Variants in PEBP4 observed in about 807,000 individuals in gnomAD.
PEBP4 encodes phosphatidylethanolamine-binding protein 4.
In PEBP4, 22 loss-of-function variants were observed where a neutral mutation model predicts 23.9. The observed-to-expected ratio is 0.92, with a 90% CI of 0.66 to 1.31. PEBP4 has a LOEUF of 1.31. Among genes scored for constraint, PEBP4 ranks in the 40% most tolerant of loss-of-function variants. PEBP4 has a pLI of 0.00. For missense variants in PEBP4, 324 were observed against 281.7 expected, an observed-to-expected ratio of 1.15 and a Z score of -1.07; for synonymous variants, 112 against 99.3, an observed-to-expected ratio of 1.13 and a Z score of -0.76.
At chr8:22,832,241 A>T (rs1230147740) in intron 3 of PEBP4, among the ~76,000 whole-genome samples, 1 of 152,090 alleles carries the variant, frequency 6.6e-6, no homozygotes, top group Non-Finnish European at 1.5e-5. Context: ...TCCCAAGTTG[A>T]TGGTGTTCGG....
chr8:22,791,353 T>C (rs1347786921), intron 4 of PEBP4, among the ~76,000 whole-genome samples: 1 of 152,032 alleles, frequency 6.6e-6, no homozygotes, highest in Admixed American at 6.5e-5. Context: ...ATAAAGCAAA[T>C]TCATATCTGC....
chr8:22,751,668 T>C (rs1364362156), intron 4 of PEBP4, among the ~76,000 whole-genome samples: 1 of 151,902 alleles, frequency 6.6e-6, no homozygotes, highest in Non-Finnish European at 1.5e-5. Context: ...TGTGCGTCTA[T>C]ATATTTGTAT....
At position 22,775,752 on chromosome 8, in the gene PEBP4, C is replaced by T. The variant is rs928982816; in HGVS notation, c.357+41885G>A. On this transcript the variant is annotated intron_variant, in intron 4 of 6. Transcript: ENST00000256404. The surrounding 1 kb of genome is among the most constrained non-coding windows in gnomAD (Gnocchi z 4.8). Reference sequence around the variant, plus strand: ...CCCTCCTGTGCACTCACAGGAGGCTCGAGGAGACAGACAGAGGAAGCGAGA... The same window carrying T: ...CCCTCCTGTGCACTCACAGGAGGCTTGAGGAGACAGACAGAGGAAGCGAGA... Among the ~76,000 whole-genome samples, 6 of 151,994 alleles carry T rather than the reference C, an allele frequency of 3.9e-5. No homozygotes were observed. The highest frequency in any genetic ancestry group is 2.6e-4 in the Admixed American group (4 of 15,276).
Position 22,727,191 on chromosome 8 carries a change from C to G in PEBP4, c.387G>C (p.Gln129His). 5 of 1,613,960 alleles carry G rather than the reference C, an allele frequency of 3.1e-6. No homozygotes were observed. Among genetic ancestry groups the G allele is most frequent in the Non-Finnish European group, 4.2e-6 (5 of 1,179,980 alleles). Residue 129 changes from glutamine to histidine, a missense_variant, in exon 5 of 7, where the codon CAG (glutamine) becomes CAC (histidine). Coordinates refer to ENST00000256404, the MANE Select transcript of PEBP4 (RefSeq NM_144962.3). The part of the protein sequence containing the change: ...KGADLKKGKI[Q>H]GQELSAYQAP... Reference sequence around the variant, plus strand: ...CTTACTCACCTGATAACTCCTGGCCCTGAATCTTCCCTTTCTTCAGGTCGG... The same window carrying G: ...CTTACTCACCTGATAACTCCTGGCCGTGAATCTTCCCTTTCTTCAGGTCGG...
chr8:22,750,106 T>C (rs527911550), intron 4 of PEBP4, among the ~76,000 whole-genome samples: 16 of 128,292 alleles, frequency 1.2e-4, no homozygotes, highest in Admixed American at 5.5e-4. Context: ...GCACCCAGCC[T>C]TTCTTTCTTT....
intron 3 of PEBP4, among the ~76,000 whole-genome samples, chr8:22,850,531 G>T (rs566305415): frequency 2.0e-5 from 3 of 152,212 alleles, no homozygotes; most frequent in Admixed American, 6.5e-5. Flanking sequence ...GGTTGTTCTT[G>T]GTCTGAAAAC....
chr8:22,800,628 G>C (rs1806362644), intron 4 of PEBP4, among the ~76,000 whole-genome samples: 1 of 152,124 alleles, frequency 6.6e-6, no homozygotes, highest in South Asian at 2.1e-4. Flanking sequence ...CGCACATCAG[G>C]CTGCAGGAAC....
At chr8:22,935,854 G>A (rs1020734166) in intron 1 of PEBP4, among the ~76,000 whole-genome samples, 13 of 151,962 alleles carry the variant, frequency 8.6e-5, no homozygotes, top group African/African-American at 2.9e-4. Context: ...AAGTGTTTTC[G>A]ATAAGGGAAA....
At chr8:22,779,954 CT>C (rs11373695) in intron 4 of PEBP4, among the ~76,000 whole-genome samples, 419 of 143,010 alleles carry the variant, frequency 2.9e-3, no homozygotes, top group Middle Eastern at 3.6e-3. Flanking sequence ...TTTTTAAAAT[CT>C]TTTTTTTTTT....
chr8:22,926,539 GTCTC>G (rs1362984124), intron 2 of PEBP4, among the ~76,000 whole-genome samples: 1 of 152,160 alleles, frequency 6.6e-6, no homozygotes, highest in South Asian at 2.1e-4. Flanking sequence ...AGAGAAAAGA[GTCTC>G]TCTATGTTGC....
intron 3 of PEBP4, among the ~76,000 whole-genome samples, chr8:22,831,284 C>A (rs1807079255): frequency 2.6e-5 from 4 of 152,110 alleles, no homozygotes; most frequent in Admixed American, 2.6e-4. Context: ...AGTTTATAAT[C>A]AGTAAGACAT....
chr8:22,727,105 T>G (rs1313688667), intron 5 of PEBP4, 70 bp downstream of exon 5: 3,994 of 1,523,062 alleles, frequency 2.6e-3, no homozygotes, highest in Non-Finnish European at 3.3e-3. Flanking sequence ...AGCAGCACCA[T>G]GAGGTTTTGA....
At chr8:22,749,943 A>G (rs1453694048) in intron 4 of PEBP4, among the ~76,000 whole-genome samples, 1 of 151,190 alleles carries the variant, frequency 6.6e-6, no homozygotes, top group Non-Finnish European at 1.5e-5. Flanking sequence ...GGTAGCTGGG[A>G]TTACAGGCAT....
intron 6 of PEBP4, among the ~76,000 whole-genome samples, chr8:22,721,596 C>A (rs181417774): frequency 2.6e-5 from 4 of 152,108 alleles, no homozygotes; most frequent in African/African-American, 9.7e-5. Context: ...CTGCCATAGA[C>A]GCCCCTCTAC....
At chr8:22,777,210 C>T (rs1805830862) in intron 4 of PEBP4, among the ~76,000 whole-genome samples, 1 of 152,160 alleles carries the variant, frequency 6.6e-6, no homozygotes, top group Non-Finnish European at 1.5e-5. Context: ...TTCTGCTTCC[C>T]CTCAGGTCCC....
At chr8:22,737,429 C>T (rs964562547) in intron 4 of PEBP4, among the ~76,000 whole-genome samples, 2 of 152,272 alleles carry the variant, frequency 1.3e-5, no homozygotes, top group Middle Eastern at 3.4e-3. Context: ...CCACCTCTTG[C>T]GGAGTGCCCG....
intron 4 of PEBP4, among the ~76,000 whole-genome samples, chr8:22,811,361 A>G (rs1806625254): frequency 6.6e-6 from 1 of 152,244 alleles, no homozygotes; most frequent in Non-Finnish European, 1.5e-5. Flanking sequence ...GCAAATTACC[A>G]TGAAAACCTA....
chr8:22,930,878 C>A (rs956850504), upstream of PEBP4, among the ~76,000 whole-genome samples: 2 of 152,176 alleles, frequency 1.3e-5, no homozygotes, highest in African/African-American at 4.8e-5. Context: ...TGCTAGATTT[C>A]TTGGTGCCCA....
At chr8:22,792,010 C>T (rs1806149939) in intron 4 of PEBP4, among the ~76,000 whole-genome samples, 1 of 150,614 alleles carries the variant, frequency 6.6e-6, no homozygotes, top group African/African-American at 2.4e-5. Context: ...GCACACACCA[C>T]CACGCCTGGC....
Sources: gnomAD v4.1 joint callset for allele counts (sites outside exome capture counted in the v4.1 genomes callset) on GRCh38, gnomAD v4.1.1 for gene constraint, Gnocchi (gnomAD v3.1) non-coding constraint, MANE v1.5 for transcripts, NCBI Gene and HGNC (gene_info 2026-07-23, HGNC 2026-07-21) for gene names.